The following ADAMTS6 variants were observed in gnomAD, a reference collection of about 807,000 sequenced individuals.
The protein encoded by ADAMTS6 is ADAM metallopeptidase with thrombospondin type 1 motif 6, also known as A disintegrin and metalloproteinase with thrombospondin motifs 6.
In ADAMTS6, 23 loss-of-function variants were observed where a neutral mutation model predicts 144.3. The observed-to-expected ratio is 0.16, with a 90% CI of 0.11 to 0.23. ADAMTS6 has a LOEUF of 0.23. Among genes scored for constraint, ADAMTS6 ranks in the 10% least tolerant of loss-of-function variants. The pLI is 1.00. For synonymous variants in ADAMTS6, 444 were observed against 457.5 expected, an observed-to-expected ratio of 0.97 and a Z score of 0.38; for missense variants, 999 against 1,379.6, an observed-to-expected ratio of 0.72 and a Z score of 4.37.
intron 7 of ADAMTS6, chr5:65,415,675 G>C (rs1409404148): frequency 4.0e-6 from 1 of 252,720 alleles, no homozygotes; most frequent in Non-Finnish European, 7.9e-6. Flanking sequence ...GATTATGTCA[G>C]TGCAGAAGCA....
intron 14 of ADAMTS6, among the ~76,000 whole-genome samples, chr5:65,248,827 A>G (rs550119782): frequency 1.6e-4 from 24 of 152,272 alleles, no homozygotes; most frequent in African/African-American, 5.3e-4. Flanking sequence ...GTAATTTTTA[A>G]AAGTATTTTT....
intron 7 of ADAMTS6, among the ~76,000 whole-genome samples, chr5:65,370,415 C>A (rs560627072): frequency 6.6e-6 from 1 of 152,142 alleles, no homozygotes; most frequent in Non-Finnish European, 1.5e-5. Flanking sequence ...TCAGTGGGTG[C>A]GCGCACCATG....
chr5:65,157,785 TTGTACTTG>T (rs541831636), intron 24 of ADAMTS6, among the ~76,000 whole-genome samples: 142 of 152,290 alleles, frequency 9.3e-4, no homozygotes, highest in Non-Finnish European at 1.0e-3. Context: ...CCTAATAAAG[TTGTACTTG>T]ACCCCTTGAC....
At chr5:65,384,407 A>G (rs1428390274) in intron 7 of ADAMTS6, among the ~76,000 whole-genome samples, 2 of 152,204 alleles carry the variant, frequency 1.3e-5, no homozygotes, top group African/African-American at 2.4e-5. Context: ...CTTCTGCCCA[A>G]TATCCTATTT....
chr5:65,382,286 C>G (rs1395703323), intron 7 of ADAMTS6, among the ~76,000 whole-genome samples: 1 of 152,166 alleles, frequency 6.6e-6, no homozygotes, highest in Non-Finnish European at 1.5e-5. Flanking sequence ...ATTAAGATTT[C>G]TAATAAATGT....
At chr5:65,317,923 A>C (rs1053270501) in intron 9 of ADAMTS6, among the ~76,000 whole-genome samples, 1 of 151,906 alleles carries the variant, frequency 6.6e-6, no homozygotes, top group Non-Finnish European at 1.5e-5. Context: ...AATACAAAAA[A>C]AATTAGCCGG....
intron 22 of ADAMTS6, among the ~76,000 whole-genome samples, chr5:65,178,956 C>T (rs1410718657): frequency 1.3e-5 from 2 of 152,122 alleles, no homozygotes; most frequent in Non-Finnish European, 1.5e-5. Context: ...GCTCAACCTC[C>T]GAGACCATCC....
At chr5:65,171,508 G>T (rs1176732090) in intron 23 of ADAMTS6, among the ~76,000 whole-genome samples, 1 of 152,178 alleles carries the variant, frequency 6.6e-6, no homozygotes, top group Non-Finnish European at 1.5e-5. Flanking sequence ...GTGAACTCTA[G>T]CAGGAGTGTC....
chr5:65,212,222 G>T (rs1254711936), intron 20 of ADAMTS6, among the ~76,000 whole-genome samples: 1 of 152,124 alleles, frequency 6.6e-6, no homozygotes, highest in African/African-American at 2.4e-5. Flanking sequence ...CGAAACAAAT[G>T]GCAGCTCTTT....
At chr5:65,239,778 A>C (rs1265932744) in intron 15 of ADAMTS6, among the ~76,000 whole-genome samples, 4 of 152,210 alleles carry the variant, frequency 2.6e-5, no homozygotes, top group African/African-American at 9.6e-5. Flanking sequence ...TAACATTATC[A>C]TGAGAAAATG....
chr5:65,263,413 T>TA, intron 12 of ADAMTS6, among the ~76,000 whole-genome samples: 1 of 146,744 alleles, frequency 6.8e-6, no homozygotes. Context: ...TTGCTCTTTC[T>TA]TAAAAAAAAA....
intron 10 of ADAMTS6, among the ~76,000 whole-genome samples, chr5:65,293,329 T>C (rs1382004977): frequency 3.9e-5 from 6 of 152,102 alleles, no homozygotes; most frequent in Non-Finnish European, 8.8e-5. Flanking sequence ...ATGGAAAATA[T>C]TTATTTTAAA....
intron 1 of ADAMTS6, among the ~76,000 whole-genome samples, chr5:65,476,801 G>A (rs899209693): frequency 6.6e-6 from 1 of 151,970 alleles, no homozygotes; most frequent in African/African-American, 2.4e-5. Context: ...TTTTAGTAGA[G>A]ATGGGGTTTC....
At chr5:65,260,120 T>C (rs1490350502) in intron 14 of ADAMTS6, among the ~76,000 whole-genome samples, 2 of 152,114 alleles carry the variant, frequency 1.3e-5, no homozygotes, top group African/African-American at 4.8e-5. Context: ...ATTAGGGGTT[T>C]TGAATTCCTG....
chr5:65,397,946 G>A (rs1475935985), intron 7 of ADAMTS6, among the ~76,000 whole-genome samples: 1 of 149,462 alleles, frequency 6.7e-6, no homozygotes, highest in East Asian at 1.9e-4. Flanking sequence ...CAGTTATCTT[G>A]CTGTGATTGA....
chr5:65,314,223 C>G (rs1744768261), intron 9 of ADAMTS6, among the ~76,000 whole-genome samples: 1 of 152,072 alleles, frequency 6.6e-6, no homozygotes, highest in Non-Finnish European at 1.5e-5. Context: ...TGATGAATGT[C>G]TGAACATGCT....
At chr5:65,400,369 T>C (rs1037314076) in intron 7 of ADAMTS6, among the ~76,000 whole-genome samples, 1 of 152,048 alleles carries the variant, frequency 6.6e-6, no homozygotes, top group East Asian at 1.9e-4. Context: ...CACTACTGCA[T>C]ATGGCTTTTT....
intron 1 of ADAMTS6, among the ~76,000 whole-genome samples, chr5:65,477,300 A>G (rs1236556607): frequency 6.6e-6 from 1 of 152,200 alleles, no homozygotes; most frequent in African/African-American, 2.4e-5. Flanking sequence ...TCTTCCTTTA[A>G]AAAACATATA....
intron 15 of ADAMTS6, among the ~76,000 whole-genome samples, chr5:65,230,140 G>A (rs1241323645): frequency 6.6e-6 from 1 of 151,374 alleles, no homozygotes; most frequent in Non-Finnish European, 1.5e-5. Context: ...GATGTAGACT[G>A]TAACATGAAA....
Sources: allele counts gnomAD v4.1 joint callset (sites outside exome capture counted in the v4.1 genomes callset), GRCh38; gene constraint gnomAD v4.1.1; transcripts MANE v1.5; gene names NCBI Gene and HGNC (gene_info 2026-07-23, HGNC 2026-07-21).